The following PPP3CC variants were observed in gnomAD, a reference collection of about 807,000 sequenced individuals.
The protein encoded by PPP3CC is serine/threonine-protein phosphatase 2B catalytic subunit gamma isoform.
In PPP3CC, 35 loss-of-function variants were observed where a neutral mutation model predicts 60.3. That is an observed-to-expected ratio of 0.58 (90% confidence interval 0.44 to 0.77). PPP3CC has a LOEUF of 0.77. Ranked by LOEUF, PPP3CC falls within the 30% of genes least tolerant of loss-of-function variation. The pLI, the probability that PPP3CC is intolerant of heterozygous loss-of-function variation, is 0.00. For missense variants in PPP3CC, 570 were observed against 628.9 expected (o/e 0.91, Z 1.00); for synonymous variants, 206 against 224.3 (o/e 0.92, Z 0.73).
At chr8:22,519,909 G>A (rs1178226389) in intron 6 of PPP3CC, among the ~76,000 whole-genome samples, 5 of 139,170 alleles carry the variant, frequency 3.6e-5, no homozygotes, top group Non-Finnish European at 7.9e-5. Context: ...GCCTTCCTCA[G>A]CTTCCCAGAG....
intron 11 of PPP3CC, among the ~76,000 whole-genome samples, chr8:22,532,583 G>C (rs1441774127): frequency 6.6e-6 from 1 of 152,168 alleles, no homozygotes; most frequent in Admixed American, 6.5e-5. Context: ...TTACCTGTGT[G>C]ATCTTGGGTT....
chr8:22,444,819 C>T (rs980580982), intron 1 of PPP3CC, among the ~76,000 whole-genome samples: 54 of 152,150 alleles, frequency 3.5e-4, no homozygotes, highest in African/African-American at 1.1e-3. Context: ...AACTAGGCAC[C>T]CAAATGATTA....
chr8:22,523,422 A>G (rs1220010767), intron 8 of PPP3CC, among the ~76,000 whole-genome samples: 1 of 152,176 alleles, frequency 6.6e-6, no homozygotes, highest in Non-Finnish European at 1.5e-5. Context: ...CTATCGAGGC[A>G]GTGGTCCTAC....
chr8:22,525,523 TTTCTTTCTTTCTTTCTCTCC>T lies in PPP3CC; in HGVS notation c.944-1868_944-1849del, dbSNP rs1439676420. Among the ~76,000 whole-genome samples the T allele has an allele frequency of 2.1e-3, 224 of 104,940 alleles. 2 individuals are homozygous for T. The highest frequency in any genetic ancestry group is 6.5e-3 in the African/African-American group (170 of 25,958). 68.8% of individuals were successfully genotyped at this position (104,940 alleles called of 152,430 possible). On this transcript the variant is annotated intron_variant, in intron 8 of 13. Transcript: ENST00000240139. ...CTTTCTTTCTTTCTTTCTTTCTTTC[TTTCTTTCTTTCTTTCTCTCC>T]CTCTCTCTCTCTCTCTTTCTTTCTC...
At chr8:22,507,267 G>A (rs764558995) in intron 4 of PPP3CC, among the ~76,000 whole-genome samples, 5 of 152,168 alleles carry the variant, frequency 3.3e-5, no homozygotes, top group Non-Finnish European at 5.9e-5. Flanking sequence ...TTTTGTTAAT[G>A]TTGTATTATT....
intron 1 of PPP3CC, 22 bp from the exon 2 acceptor site, chr8:22,474,929 AATT>A (rs750932634): frequency 3.5e-5 from 47 of 1,358,544 alleles, no homozygotes; most frequent in Middle Eastern, 2.1e-4. Context: ...AAATATTTTA[AATT>A]ATTATTATTA....
intron 1 of PPP3CC, among the ~76,000 whole-genome samples, chr8:22,468,546 T>C (rs1837617568): frequency 6.6e-6 from 1 of 152,204 alleles, no homozygotes; most frequent in South Asian, 2.1e-4. Flanking sequence ...AGTTTTTTTT[T>C]TAATCAGCTG....
chr8:22,534,196 CAA>C (rs35668611), intron 12 of PPP3CC, among the ~76,000 whole-genome samples: 4 of 114,920 alleles, frequency 3.5e-5, no homozygotes, highest in Admixed American at 9.2e-5. Flanking sequence ...AAGACTGTTT[CAA>C]AAAAAAAAAA....
chr8:22,481,689 C>T (rs1339211191), intron 3 of PPP3CC, among the ~76,000 whole-genome samples: 2 of 151,968 alleles, frequency 1.3e-5, no homozygotes. Context: ...GCTATCCCTC[C>T]CCTAGCCCCC....
At chr8:22,532,847 C>T (rs891471116) in intron 11 of PPP3CC, 74 bp from the exon 12 acceptor site, 1 of 1,049,500 alleles carries the variant, frequency 9.5e-7, no homozygotes, top group Non-Finnish European at 1.3e-6. Flanking sequence ...TCTTTCTTCA[C>T]TTCCTTCAAT....
chr8:22,515,895 C>A (rs1839229936), intron 6 of PPP3CC, among the ~76,000 whole-genome samples: 1 of 149,894 alleles, frequency 6.7e-6, no homozygotes. Context: ...AGTAAAAAGT[C>A]TTTTTTTCTT....
chr8:22,464,538 C>G (rs1047587452), intron 1 of PPP3CC, among the ~76,000 whole-genome samples: 1 of 152,000 alleles, frequency 6.6e-6, no homozygotes, highest in Admixed American at 6.6e-5. Flanking sequence ...CACCACCACA[C>G]TCAACTAATT....
At chr8:22,520,993 C>CT (rs936317989) in intron 6 of PPP3CC, among the ~76,000 whole-genome samples, 12 of 152,098 alleles carry the variant, frequency 7.9e-5, no homozygotes, top group African/African-American at 2.9e-4. Context: ...ATGGGATTGC[C>CT]TGTGGTATTG....
intron 1 of PPP3CC, among the ~76,000 whole-genome samples, chr8:22,463,883 T>G (rs1198278308): frequency 6.6e-6 from 1 of 151,800 alleles, no homozygotes; most frequent in Non-Finnish European, 1.5e-5. Context: ...GCCTCCTGGA[T>G]TCAAGCAATT....
At chr8:22,506,196 G>C (rs921884418) in intron 4 of PPP3CC, among the ~76,000 whole-genome samples, 1 of 152,074 alleles carries the variant, frequency 6.6e-6, no homozygotes, top group Non-Finnish European at 1.5e-5. Flanking sequence ...AGCTACTTGG[G>C]AGGCTGAAGT....
chr8:22,539,626 G>A, intron 13 of PPP3CC, 128 bp downstream of exon 13: 2 of 943,564 alleles, frequency 2.1e-6, no homozygotes, highest in Non-Finnish European at 3.1e-6. Context: ...AGGTATAGTT[G>A]TTTCTAGGCA....
At position 22,527,499 on chromosome 8, in the gene PPP3CC, C is replaced by T; in HGVS notation, c.1051C>T (p.Pro351Ser). ...NFMDVFTWSLPFVGEKVTEML... is the reference protein window; with the variant it reads ...NFMDVFTWSLSFVGEKVTEML... ...TATGGATGTTTTCACATGGTCTTTG[C>T]CTTTTGTTGGGGAAAAAGGTAAGAG... The change falls in exon 9 of 14, where the codon CCT becomes TCT. Residue 351 changes from proline (P) to serine (S), a missense_variant. Coordinates refer to ENST00000240139, the MANE Select transcript of PPP3CC (RefSeq NM_005605.5). 6.2e-7 allele frequency: 1 copy of T among 1,613,934 alleles called. No homozygotes were observed. Among genetic ancestry groups the T allele is most frequent in the Non-Finnish European group, 8.5e-7 (1 of 1,179,964 alleles).
intron 6 of PPP3CC, among the ~76,000 whole-genome samples, chr8:22,519,464 T>C (rs768008512): frequency 1.4e-4 from 21 of 152,202 alleles, no homozygotes; most frequent in Non-Finnish European, 2.6e-4. Context: ...GATTTGATTT[T>C]TATTTTTGTA....
chr8:22,478,750 C>T (rs1053865342), intron 3 of PPP3CC, among the ~76,000 whole-genome samples: 4 of 152,072 alleles, frequency 2.6e-5, no homozygotes, highest in South Asian at 2.1e-4. Context: ...GATGCACTTA[C>T]GAATAGACTT....
Sources: gnomAD v4.1 joint callset for allele counts (sites outside exome capture counted in the v4.1 genomes callset) on GRCh38, gnomAD v4.1.1 for gene constraint, MANE v1.5 for transcripts, NCBI Gene and HGNC (gene_info 2026-07-23, HGNC 2026-07-21) for gene names.